The following MPP4 variants were observed in gnomAD, a reference collection of about 807,000 sequenced individuals.
MPP4 encodes the protein MAGUK p55 scaffold protein 4, also known as MAGUK p55 subfamily member 4.
A neutral mutation model predicts 98.3 loss-of-function variants in MPP4; 91 were observed. The ratio of observed to expected loss-of-function variants is 0.93; its 90% CI spans 0.78 to 1.10. The LOEUF is 1.10. MPP4 is among the 50% of genes least tolerant of loss of function. MPP4 has a pLI of 0.00. For missense variants in MPP4, 744 were observed against 792.9 expected, an observed-to-expected ratio of 0.94 and a Z score of 0.74; for synonymous variants, 261 against 271.8, an observed-to-expected ratio of 0.96 and a Z score of 0.39.
At chr2:201,676,724 A>C (rs1688517245) in intron 10 of MPP4, among the ~76,000 whole-genome samples, 1 of 152,258 alleles carries the variant, frequency 6.6e-6, no homozygotes, top group South Asian at 2.1e-4. Flanking sequence ...ACACAGTGAA[A>C]CCCCATCTCT....
intron 14 of MPP4, among the ~76,000 whole-genome samples, 161 bp from the exon 15 acceptor site, chr2:201,660,507 A>G (rs899031395): frequency 1.3e-5 from 2 of 152,224 alleles, no homozygotes; most frequent in African/African-American, 4.8e-5. Flanking sequence ...TGATCACCAC[A>G]TGATTGGGAC....
intron 1 of MPP4, among the ~76,000 whole-genome samples, chr2:201,695,348 A>G (rs1255629857): frequency 1.3e-5 from 2 of 152,342 alleles, no homozygotes; most frequent in Middle Eastern, 3.4e-3. Context: ...TGCCCTACAC[A>G]GTGAAGAATC....
At position 201,694,608 on chromosome 2, in the gene MPP4, C is replaced by T. The variant is rs373445372; in HGVS notation, c.-100-554G>A. 9.9e-4 allele frequency among the ~76,000 whole-genome samples: 78 copies of T among 78,916 alleles called. 1 individual carries two copies. In the East Asian group the frequency reaches 0.023, roughly 24 times the overall value. The allele number at this position is 78,916 out of a possible 152,430, so 51.8% of individuals were successfully genotyped here. On this transcript the variant is annotated intron_variant, in intron 1 of 21. Transcript: ENST00000409474. ...AGAGTCTGGACAGTTTTCTTTTTCC[C>T]TTTTTTTTTTTTTTTTTTTTTTTTT...
intron 18 of MPP4, chr2:201,650,798 A>G (rs1574597574): frequency 4.1e-6 from 4 of 985,384 alleles, no homozygotes; most frequent in Middle Eastern, 5.2e-4. Context: ...CCGAGTGGTG[A>G]TTCGTTTTAG....
chr2:201,666,495 C>T (rs746834256), intron 12 of MPP4, 123 bp from the exon 13 acceptor site: 561 of 661,962 alleles, frequency 8.5e-4, no homozygotes, highest in Non-Finnish European at 1.2e-3. Flanking sequence ...CCGAGGCGGG[C>T]GGATCACCTG....
chr2:201,687,672 A>C (rs969940533), intron 4 of MPP4, among the ~76,000 whole-genome samples: 1 of 152,232 alleles, frequency 6.6e-6, no homozygotes, highest in Non-Finnish European at 1.5e-5. Context: ...ATATGAACCA[A>C]GGCACTTTTC....
chr2:201,668,147 T>C (rs1462375755), intron 12 of MPP4, among the ~76,000 whole-genome samples: 1 of 152,174 alleles, frequency 6.6e-6, no homozygotes, highest in Non-Finnish European at 1.5e-5. Context: ...CATGATTATC[T>C]AGTAACAGCA....
intron 3 of MPP4, among the ~76,000 whole-genome samples, chr2:201,690,974 C>T (rs977498011): frequency 3.9e-5 from 6 of 152,190 alleles, no homozygotes; most frequent in African/African-American, 1.4e-4. Context: ...GTTTCTCTTA[C>T]AGACGAAGAA....
At chr2:201,663,417 C>T (rs565393900) in intron 14 of MPP4, among the ~76,000 whole-genome samples, 2 of 152,210 alleles carry the variant, frequency 1.3e-5, no homozygotes, top group African/African-American at 4.8e-5. Context: ...CACAACTGCA[C>T]TGTTGCTGTA....
Position 201,685,940 on chromosome 2 carries a change from T to C in MPP4, c.471A>G (p.Leu157=). 6.2e-7 allele frequency: 1 copy of C among 1,612,136 alleles called. No homozygotes were observed. Among genetic ancestry groups the C allele is most frequent in the Non-Finnish European group, 8.5e-7 (1 of 1,178,420 alleles). ...TTACCAGGGGCTGTTGGTTTTTCACTAAACAAACAATCCTCATTGCTTCCT... is the reference window on the plus strand; with the variant it reads ...TTACCAGGGGCTGTTGGTTTTTCACCAAACAAACAATCCTCATTGCTTCCT... The part of the protein sequence containing the change: ...ESEEAMRIVC[L]VKNQQPLGAT... The change falls in exon 6 of 22, where the codon TTA becomes TTG. Residue 157 remains leucine, a synonymous_variant. Transcript: ENST00000409474.
chr2:201,696,636 G>A (rs1216008057), intron 1 of MPP4, among the ~76,000 whole-genome samples: 1 of 152,198 alleles, frequency 6.6e-6, no homozygotes, highest in East Asian at 1.9e-4. Flanking sequence ...GCACACACTA[G>A]AGACTACATA....
intron 10 of MPP4, among the ~76,000 whole-genome samples, chr2:201,676,033 G>T (rs955900971): frequency 6.6e-6 from 1 of 152,086 alleles, no homozygotes; most frequent in South Asian, 2.1e-4. Context: ...TTTAATAAGA[G>T]CCCAGGTAAG....
At chr2:201,658,451 C>T in intron 16 of MPP4, 26 bp downstream of exon 16, 1 of 1,601,744 alleles carries the variant, frequency 6.2e-7, no homozygotes, top group Non-Finnish European at 8.5e-7. Context: ...TGACAGAGAC[C>T]CACCTCTTGT....
intron 4 of MPP4, among the ~76,000 whole-genome samples, chr2:201,689,354 C>A (rs907993451): frequency 6.6e-6 from 1 of 151,978 alleles, no homozygotes; most frequent in Non-Finnish European, 1.5e-5. Context: ...AAAAAAAGAG[C>A]TTTGGTGTTT....
intron 20 of MPP4, among the ~76,000 whole-genome samples, chr2:201,648,418 T>A (rs995361690): frequency 2.6e-5 from 4 of 152,208 alleles, no homozygotes; most frequent in African/African-American, 9.7e-5. Flanking sequence ...TAGAGTATAG[T>A]CTCATGTACC....
At position 201,651,110 on chromosome 2, in the gene MPP4, C is replaced by T. The variant is rs139721357; in HGVS notation, c.1382-945G>A. 1.0e-5 allele frequency: 10 copies of T among 985,306 alleles called. No homozygotes were observed. In the East Asian group the frequency reaches 5.7e-4, roughly 56 times the overall value. 61.0% of individuals were successfully genotyped at this position (985,306 alleles called of 1,614,324 possible). On this transcript the variant is annotated intron_variant, in intron 18 of 21. Transcript: ENST00000409474. ...CCTTAATCTATATTACCATTAGTTC[C>T]CCTTATTCATACAGAATTTGTGTAT...
Position 201,656,338 on chromosome 2 carries a change from C to T in MPP4, c.1160G>A (p.Arg387His), listed in dbSNP as rs916426855. The T allele has an allele frequency of 3.0e-5, 47 of 1,554,648 alleles. No homozygotes were observed. The African/African-American group carries it at 3.3e-4, about 11-fold the overall frequency. The change falls in exon 17 of 22, where the codon CGC becomes CAC. Residue 387 changes from arginine (R) to histidine (H), a missense_variant. Transcript: ENST00000409474. ...AGFRRSMRLC[R>H]RKSHLSPLHA... ...CAGCGGGCTGAGGTGAGACTTCCTG[C>T]GACAAAGGCGCATGCTGCGGCGGAA...
chr2:201,681,214 A>AT (rs1481670458), intron 9 of MPP4, among the ~76,000 whole-genome samples, 180 bp from the exon 10 acceptor site: 1 of 152,230 alleles, frequency 6.6e-6, no homozygotes, highest in Non-Finnish European at 1.5e-5. Context: ...AAGTACCATG[A>AT]TAAAAAGCAT....
rs775490563 is a variant in MPP4, at chr2:201,650,081, T to C, written c.1466A>G (p.Tyr489Cys). 1.9e-6 allele frequency: 3 copies of C among 1,571,134 alleles called. No homozygotes were observed. The highest frequency in any genetic ancestry group is 1.7e-4 in the Middle Eastern group (1 of 6,010). The change falls in exon 19 of 22, where the codon TAT becomes TGT. Residue 489 changes from tyrosine (Y) to cysteine (C), a missense_variant. Physicochemically the swap from Tyr to Cys is radical, Grantham distance 194 (BLOSUM62 -2). Coordinates refer to ENST00000409474, the MANE Select transcript of MPP4 (RefSeq NM_033066.3). ...VSKETFENLI[Y>C]SHRMLEYGEY... ...TGAACCTCTACTTTACCTGTGACTA[T>C]ATATGAGGTTTTCAAATGTTTCCTT... is the stretch of plus-strand genomic sequence containing the variant.
Sources: gnomAD v4.1 joint callset for allele counts (sites outside exome capture counted in the v4.1 genomes callset) on GRCh38, gnomAD v4.1.1 for gene constraint, MANE v1.5 for transcripts, NCBI Gene and HGNC (gene_info 2026-07-23, HGNC 2026-07-21) for gene names.